Variants in DENND6B observed in about 807,000 individuals in gnomAD.
The protein encoded by DENND6B is DENN domain containing 6B.
DENND6B carries 73 observed loss-of-function variants against 85.1 expected under a neutral mutation model. The ratio of observed to expected loss-of-function variants is 0.86; its 90% CI spans 0.71 to 1.04. The LOEUF (loss-of-function observed/expected upper bound fraction) is 1.04. Ranked by LOEUF, DENND6B falls within the 50% of genes least tolerant of loss-of-function variation. DENND6B has a pLI of 0.00. For missense variants in DENND6B, 715 were observed against 785.8 expected (o/e 0.91, Z 1.08); for synonymous variants, 357 against 329.3 (o/e 1.08, Z -0.91).
At chr22:50,316,532 AG>A (rs1569201639) in intron 5 of DENND6B, 57 bp from the exon 6 acceptor site, 1 of 1,549,400 alleles carries the variant, frequency 6.5e-7, no homozygotes, top group Non-Finnish European at 8.7e-7. Flanking sequence ...CTCGCCACTC[AG>A]GAGCCCACGG....
intron 12 of DENND6B, 41 bp from the exon 13 acceptor site, chr22:50,314,313 C>T (rs745486521): frequency 6.2e-7 from 1 of 1,600,540 alleles, no homozygotes; most frequent in East Asian, 2.2e-5. Context: ...GTGCCCGCAG[C>T]TCTGGCCATC....
At chr22:50,321,347 T>C (rs1200233836) in intron 1 of DENND6B, among the ~76,000 whole-genome samples, 3 of 152,098 alleles carry the variant, frequency 2.0e-5, no homozygotes, top group Admixed American at 6.6e-5. Flanking sequence ...TTCCATTTGG[T>C]CGGACTTTTT....
Position 50,311,947 on chromosome 22 carries a change from A to C in DENND6B, c.*192T>G. The C allele has an allele frequency of 1.0e-6, 1 of 970,134 alleles. No homozygotes were observed. The highest frequency in any genetic ancestry group is 1.5e-6 in the Non-Finnish European group (1 of 677,390). 60.1% of individuals were successfully genotyped at this position (970,134 alleles called of 1,614,324 possible). A position where few individuals can be genotyped will look rare whatever the true frequency, so the allele number is the denominator to read the frequency against. On this transcript the variant is annotated 3_prime_UTR_variant, in exon 20 of 20. Transcript: ENST00000413817. ...AAGGCTCTGCCTGCGAGGAACCCCTATGGTCAAGGCCATGCTGTGGTTCCA... is the reference window on the plus strand; with the variant it reads ...AAGGCTCTGCCTGCGAGGAACCCCTCTGGTCAAGGCCATGCTGTGGTTCCA...
chr22:50,316,865 C>T, intron 5 of DENND6B: 2 of 640,494 alleles, frequency 3.1e-6, no homozygotes, highest in South Asian at 1.9e-5. Flanking sequence ...CAGCAGTGTC[C>T]TGGACCAGGA....
chr22:50,314,903 C>A lies in DENND6B; in HGVS notation c.777G>T (p.Leu259=). Residue 259 remains leucine, a synonymous_variant, in exon 10 of 20, where the codon CTG becomes CTT. Transcript: ENST00000413817. ...GCTCCCACAGTGTCTGCATATGAGT[C>A]AGCACAGGCCGGAAGCACCTGGGGC... ...LDLFRCFRPV[L]THMQTLWELM... 1 of 1,611,410 alleles carries A rather than the reference C, an allele frequency of 6.2e-7. No individual in the cohort carries two copies. The highest frequency in any genetic ancestry group is 1.1e-5 in the South Asian group (1 of 90,992).
chr22:50,314,070 A>T (rs2041694468), intron 13 of DENND6B, 137 bp downstream of exon 13: 1 of 1,304,004 alleles, frequency 7.7e-7, no homozygotes, highest in Non-Finnish European at 1.0e-6. Flanking sequence ...CCCCTCCCCA[A>T]GGGTTCTGAG....
At chr22:50,315,876 T>G in intron 8 of DENND6B, 107 bp from the exon 9 acceptor site, 3 of 1,501,726 alleles carry the variant, frequency 2.0e-6, no homozygotes, top group Admixed American at 4.0e-5. Flanking sequence ...CACCCAGCCC[T>G]ACACCAACAC....
intron 9 of DENND6B, 159 bp from the exon 10 acceptor site, chr22:50,315,080 A>C: frequency 9.2e-7 from 1 of 1,086,612 alleles, no homozygotes; most frequent in African/African-American, 1.6e-5. Context: ...TGTCTCGGGT[A>C]ATCATGACGA....
intron 3 of DENND6B, 49 bp from the exon 4 acceptor site, chr22:50,318,069 T>C: frequency 6.3e-7 from 1 of 1,590,052 alleles, no homozygotes; most frequent in Non-Finnish European, 8.6e-7. Flanking sequence ...GAGCCTCTTC[T>C]GCAGGCCCTG....
chr22:50,313,350 C>T lies in DENND6B; in HGVS notation c.1347+96G>A, dbSNP rs954024983. The T allele has an allele frequency of 5.5e-6, 8 of 1,441,844 alleles. No homozygotes were observed. In the South Asian group the frequency reaches 8.4e-5, roughly 15 times the overall value. 89.3% of individuals were successfully genotyped at this position (1,441,844 alleles called of 1,614,324 possible). A position where few individuals can be genotyped will look rare whatever the true frequency, so the allele number is the denominator to read the frequency against. On this transcript the variant is annotated intron_variant, in intron 16 of 19. Transcript: ENST00000413817. ...ATGGCCTTGAGGCCTGTGGCTCCTGCCCAGCCACAGCCTCCTGCTCCAGAC... is the reference window on the plus strand; with the variant it reads ...ATGGCCTTGAGGCCTGTGGCTCCTGTCCAGCCACAGCCTCCTGCTCCAGAC...
intron 4 of DENND6B, 129 bp downstream of exon 4, chr22:50,317,779 G>A (rs2041902890): frequency 1.1e-6 from 1 of 920,082 alleles, no homozygotes; most frequent in South Asian, 1.7e-5. Flanking sequence ...GGCCAGTGGG[G>A]CCTGGCCAGC....
Position 50,316,154 on chromosome 22 carries a change from C to A in DENND6B, c.639+20G>T, listed in dbSNP as rs1343374405. On this transcript the variant is annotated intron_variant, in intron 7 of 19. Transcript: ENST00000413817. ...CCCCACACACCTGCAGAGCCTACTC[C>A]CCAGCCAGCTGGCTCTCACCTGGAC... 6.2e-7 allele frequency: 1 copy of A among 1,612,570 alleles called. No homozygotes were observed. The highest frequency in any genetic ancestry group is 2.2e-5 in the East Asian group (1 of 44,884).
chr22:50,313,841 G>A lies in DENND6B; in HGVS notation c.1176C>T (p.Asp392=), dbSNP rs942165943. ...YTAYTAHLHR[D]KALLKRLLKG... is the part of the protein sequence containing the mutation. ...TGAGCAGCCGTTTGAGCAGCGCCTT[G>A]TCGCGGTGGAGGTGGGCCGTGTAAG... The change falls in exon 14 of 20, where the codon GAC becomes GAT. Residue 392 remains aspartate, a synonymous_variant. Coordinates refer to ENST00000413817, the MANE Select transcript of DENND6B (RefSeq NM_001001794.4). 6.2e-7 allele frequency: 1 copy of A among 1,612,014 alleles called. No individual in the cohort carries two copies. The highest frequency in any genetic ancestry group is 1.3e-5 in the African/African-American group (1 of 74,996).
chr22:50,323,020 CTTTTTTTTTTTTTTT>C (rs386395718), intron 1 of DENND6B, among the ~76,000 whole-genome samples: 34 of 39,034 alleles, frequency 8.7e-4, no homozygotes, highest in African/African-American at 4.0e-3. Flanking sequence ...CCGGCTAATG[CTTTTTTTTTTTTTTT>C]TTTTTTTTTT....
chr22:50,318,093 G>A, intron 3 of DENND6B, 73 bp from the exon 4 acceptor site: 2 of 1,496,084 alleles, frequency 1.3e-6, no homozygotes, highest in South Asian at 1.2e-5. Context: ...CTGGTGACCG[G>A]GGAGCAAGGG....
At chr22:50,313,387 C>T (rs940074056) in intron 16 of DENND6B, 59 bp downstream of exon 16, 53 of 1,520,534 alleles carry the variant, frequency 3.5e-5, no homozygotes, top group Admixed American at 6.4e-5. Context: ...TTCCCTCCTC[C>T]GGGTGAGGAA....
chr22:50,319,235 C>T (rs2041963259), intron 1 of DENND6B: 2 of 1,458,674 alleles, frequency 1.4e-6, no homozygotes, highest in Non-Finnish European at 1.8e-6. Context: ...CCCCACACCA[C>T]CTTCTCTGGC....
In DENND6B at chr22:50,316,263, C is replaced by T. The variant is rs1308675419; in HGVS notation, c.560-10G>A. The T allele has an allele frequency of 2.5e-6, 4 of 1,590,800 alleles. No homozygotes were observed. Among genetic ancestry groups the T allele is most frequent in the Non-Finnish European group, 3.4e-6 (4 of 1,169,250 alleles). ...TCGATCTCACTGCACACTGCGGATG[C>T]AGTAGCCCGCATCAGGACCCTCCCC... On this transcript the variant is annotated splice_polypyrimidine_tract_variant and intron_variant, in intron 6 of 19. Transcript: ENST00000413817.
intron 18 of DENND6B, 27 bp from the exon 19 acceptor site, chr22:50,312,444 C>G: frequency 6.2e-7 from 1 of 1,602,606 alleles, no homozygotes; most frequent in Non-Finnish European, 8.5e-7. Flanking sequence ...GGTCTACTGT[C>G]AGCAAGGCCC....
Sources: gnomAD v4.1 joint callset for allele counts (sites outside exome capture counted in the v4.1 genomes callset) on GRCh38, gnomAD v4.1.1 for gene constraint, MANE v1.5 for transcripts, NCBI Gene and HGNC (gene_info 2026-07-23, HGNC 2026-07-21) for gene names.